The following PCSK4 variants were observed in gnomAD, a reference collection of about 807,000 sequenced individuals.
PCSK4 encodes the protein proprotein convertase subtilisin/kexin type 4.
In PCSK4, 64 loss-of-function variants were observed where a neutral mutation model predicts 80.3. That is an observed-to-expected ratio of 0.80 (90% CI 0.65 to 0.98). PCSK4 has a LOEUF of 0.98. Among genes scored for constraint, PCSK4 ranks in the 50% least tolerant of loss-of-function variants. The pLI, the probability that PCSK4 is intolerant of heterozygous loss-of-function variation, is 0.00. For missense variants in PCSK4, 1,213 were observed against 1,093.6 expected, an observed-to-expected ratio of 1.11 and a Z score of -1.54; for synonymous variants, 561 against 487.6, an observed-to-expected ratio of 1.15 and a Z score of -1.98.
At chr19:1,483,156 G>C in intron 12 of PCSK4, 128 bp downstream of exon 12, 6 of 1,235,684 alleles carry the variant, frequency 4.9e-6, no homozygotes, top group Non-Finnish European at 6.6e-6. Flanking sequence ...TGTGACTCGG[G>C]GTCCCACCAA....
chr19:1,488,477 C>T (rs546736606), intron 2 of PCSK4, among the ~76,000 whole-genome samples, 197 bp from the exon 3 acceptor site: 6 of 152,208 alleles, frequency 3.9e-5, no homozygotes, highest in African/African-American at 9.6e-5. Flanking sequence ...GGCCCACAGA[C>T]GCGTCGTTGC....
chr19:1,482,003 G>C (rs1383723982), exon 15 of PCSK4: 10 of 1,585,980 alleles, frequency 6.3e-6, no homozygotes, highest in Admixed American at 5.3e-5. Context: ...CTGGTCCAGC[G>C]TGGAGGATGG....
At chr19:1,486,792 G>A (rs2084639645) in intron 8 of PCSK4, 61 bp downstream of exon 8, 2 of 1,384,056 alleles carry the variant, frequency 1.4e-6, no homozygotes, top group Admixed American at 3.9e-5. Context: ...GGGGACAGGA[G>A]GAGGCCAGGC....
chr19:1,482,825 C>T (rs568125428), intron 13 of PCSK4, 71 bp downstream of exon 13: 3 of 1,550,434 alleles, frequency 1.9e-6, no homozygotes, highest in African/African-American at 2.7e-5. Flanking sequence ...GTCACCAAGG[C>T]TAGCTCCAGA....
chr19:1,483,898 C>A, exon 10 of PCSK4: 1 of 1,490,026 alleles, frequency 6.7e-7, no homozygotes, highest in South Asian at 1.3e-5. Flanking sequence ...GGCTTGGACG[C>A]GCGGACCACC....
At chr19:1,490,230 G>A (rs142595426) in exon 1 of PCSK4, 1 of 1,613,002 alleles carries the variant, frequency 6.2e-7, no homozygotes, top group Non-Finnish European at 8.5e-7. Flanking sequence ...ACACCTGGAC[G>A]GCCCAGCTGC....
intron 13 of PCSK4, 82 bp from the exon 14 acceptor site, chr19:1,482,557 C>T (rs1324751206): frequency 6.6e-7 from 1 of 1,517,456 alleles, no homozygotes; most frequent in South Asian, 1.2e-5. Context: ...GCTCCCTCCC[C>T]TTCAGCTCCC....
In PCSK4 at chr19:1,482,372, G is replaced by A. The variant is rs566813661; in HGVS notation, c.1800C>T (p.Asp600=). ...ACTCACCCTGGCACAGCCCCTCTGT[G>A]TCCCGCTGCACACACGCGCTGCTGG... is the stretch of plus-strand genomic sequence containing the variant. The change falls in exon 14 of 15, where the codon GAC becomes GAT. Residue 600 remains aspartate (D), a synonymous_variant. Coordinates refer to ENST00000300954, the Ensembl canonical transcript of PCSK4. 1.3e-5 allele frequency: 20 copies of A among 1,545,038 alleles called. No individual in the cohort carries two copies. In the South Asian group the frequency reaches 2.4e-4, roughly 18 times the overall value.
In PCSK4 at chr19:1,483,290, G is replaced by GC. The variant is rs1201003772; in HGVS notation, c.1564dup (p.Ala522GlyfsTer10). On this transcript the variant is annotated frameshift_variant, in exon 12 of 15. Coordinates refer to ENST00000300954, the Ensembl canonical transcript of PCSK4. LOFTEE classifies it high-confidence loss of function. ...TCCTCTGCGGGCCGCTCACCGTATG[G>GC]CCACGAGTGTGGAGCGCGTGCCCAT... 6.3e-7 allele frequency: 1 copy of GC among 1,595,512 alleles called. No individual in the cohort carries two copies. The highest frequency in any genetic ancestry group is 8.5e-7 in the Non-Finnish European group (1 of 1,171,148).
chr19:1,487,461 C>A lies in PCSK4; in HGVS notation c.682+142G>T, dbSNP rs370390358. 5.4e-5 allele frequency: 53 copies of A among 976,706 alleles called. No homozygotes were observed. The South Asian group carries it at 5.7e-4, about 11-fold the overall frequency. 60.5% of individuals were successfully genotyped at this position (976,706 alleles called of 1,614,324 possible). On this transcript the variant is annotated intron_variant, in intron 6 of 14. Transcript: ENST00000300954. ...TGGGACCATTCGTATTGGCTCAGCA[C>A]CCCCCAAGCCCTGGAGTCTGGGGCC...
exon 15 of PCSK4, chr19:1,481,914 A>T (rs1160227424): frequency 1.9e-5 from 31 of 1,595,426 alleles, no homozygotes; most frequent in Non-Finnish European, 2.6e-5. Flanking sequence ...GAGGCTGGGC[A>T]GCGGTGGTGG....
rs915250916 is a variant in PCSK4 at position 1,487,590 on chromosome 19, G to A, written c.682+13C>T. 8.1e-5 allele frequency: 126 copies of A among 1,546,706 alleles called. No homozygotes were observed. The highest frequency in any genetic ancestry group is 1.1e-4 in the Non-Finnish European group (121 of 1,144,158). On this transcript the variant is annotated intron_variant, in intron 6 of 14. Coordinates refer to ENST00000300954, the Ensembl canonical transcript of PCSK4. ...TCTGTCCCGGAATGGTGCCGCTGGG[G>A]GACCCCGGGTACCTCCGATTCGGGC...
chr19:1,489,641 C>T, intron 2 of PCSK4, 152 bp downstream of exon 2: 1 of 1,359,880 alleles, frequency 7.4e-7, no homozygotes, highest in Non-Finnish European at 9.8e-7. Flanking sequence ...TTCCTGCCTC[C>T]TCTTGCTGTA....
upstream of PCSK4, chr19:1,490,602 CCCAGAG>C: frequency 2.3e-6 from 1 of 440,706 alleles, no homozygotes; most frequent in South Asian, 5.2e-5. Context: ...ACAAGACTAA[CCCAGAG>C]AAGCGGGTTC....
At chr19:1,482,968 G>C in exon 13 of PCSK4, 1 of 1,611,466 alleles carries the variant, frequency 6.2e-7, no homozygotes, top group Non-Finnish European at 8.5e-7. Flanking sequence ...TCCCAGAAGT[G>C]GGTGGACATG....
At position 1,483,824 on chromosome 19, in the gene PCSK4, C is replaced by T. The variant is rs761802143; in HGVS notation, c.1273+14G>A. The T allele has an allele frequency of 5.4e-6, 8 of 1,486,964 alleles. No individual in the cohort carries two copies. The highest frequency in any genetic ancestry group is 7.1e-6 in the Non-Finnish European group (8 of 1,127,070). 92.1% of individuals were successfully genotyped at this position (1,486,964 alleles called of 1,614,324 possible). On this transcript the variant is annotated intron_variant, in intron 10 of 14. Transcript: ENST00000300954. Reference sequence around the variant, plus strand: ...TGGGCCCCGGGTCCCCGCCCCCGCCCGGCCCCGCCGCACCTTGGCGCCCCA... The same window carrying T: ...TGGGCCCCGGGTCCCCGCCCCCGCCTGGCCCCGCCGCACCTTGGCGCCCCA...
chr19:1,487,731 A>G lies in PCSK4; in HGVS notation c.594-40T>C. 3 of 1,548,296 alleles carry G rather than the reference A, an allele frequency of 1.9e-6. No individual in the cohort carries two copies. In the South Asian group the frequency reaches 3.6e-5, roughly 18 times the overall value. On this transcript the variant is annotated intron_variant, in intron 5 of 14. Transcript: ENST00000300954. ...AAGAGGGGCTCCTGTCACGGCCTCC[A>G]TCCCCCTGCCGGGTACTGGGGCTTC...
At position 1,482,352 on chromosome 19, in the gene PCSK4, C is replaced by T. The variant is rs2084341054; in HGVS notation, c.1819+1G>A. Reference sequence around the variant, plus strand: ...GTGGGCCCTGCCCCGCCGGCACTCACCCTGGCACAGCCCCTCTGTGTCCCG... The same window carrying T: ...GTGGGCCCTGCCCCGCCGGCACTCATCCTGGCACAGCCCCTCTGTGTCCCG... On this transcript the variant is annotated splice_donor_variant, in intron 14 of 14. Coordinates refer to ENST00000300954, the Ensembl canonical transcript of PCSK4. LOFTEE classifies it high-confidence loss of function. The T allele has an allele frequency of 1.3e-6, 2 of 1,540,610 alleles. No homozygotes were observed. Among genetic ancestry groups the T allele is most frequent in the African/African-American group, 1.4e-5 (1 of 73,116 alleles).
intron 13 of PCSK4, 121 bp downstream of exon 13, chr19:1,482,775 T>A (rs1599198367): frequency 1.9e-6 from 2 of 1,077,174 alleles, no homozygotes; most frequent in East Asian, 4.9e-5. Flanking sequence ...GTGTGCATGT[T>A]CTCTTGGAGA....
Sources: gnomAD v4.1 joint callset for allele counts (sites outside exome capture counted in the v4.1 genomes callset) on GRCh38, gnomAD v4.1.1 for gene constraint, MANE v1.5 for transcripts, NCBI Gene and HGNC (gene_info 2026-07-23, HGNC 2026-07-21) for gene names.